POLN: variants seen among roughly 807,000 people sequenced by gnomAD.
POLN encodes the protein DNA polymerase N.
POLN carries 108 observed loss-of-function variants against 113.5 expected under a neutral mutation model. That is an observed-to-expected ratio of 0.95 (90% CI 0.81 to 1.12). The LOEUF (loss-of-function observed/expected upper bound fraction) is 1.12, where lower values mean the gene tolerates loss of function less well. Ranked by LOEUF, POLN falls within the 50% of genes most tolerant of loss-of-function variation. The probability of loss-of-function intolerance (pLI) is 0.00; values close to 1 mark genes in which losing one functional copy is unlikely to be tolerated. For missense variants in POLN, 1,097 were observed against 1,077.1 expected (o/e 1.02, Z -0.26); for synonymous variants, 386 against 391.5 (o/e 0.99, Z 0.17).
chr4:2,159,303 G>A (rs1732519394), intron 13 of POLN, 92 bp from the exon 14 acceptor site: 1 of 1,062,434 alleles, frequency 9.4e-7, no homozygotes, highest in African/African-American at 1.6e-5. Context: ...CATAATAAAT[G>A]GTCTAATTGA....
chr4:2,174,768 A>C lies in POLN; in HGVS notation c.1249-17T>G. On this transcript the variant is annotated splice_polypyrimidine_tract_variant and intron_variant, in intron 9 of 25. Coordinates refer to ENST00000511885, the MANE Select transcript of POLN (RefSeq NM_181808.4). ...ACCATAATCCTGTTTAATAGGAAGAAATAACATCAACGTCAATTTAAATAT... is the reference window on the plus strand; with the variant it reads ...ACCATAATCCTGTTTAATAGGAAGACATAACATCAACGTCAATTTAAATAT... The C allele has an allele frequency of 6.5e-7, 1 of 1,547,982 alleles. No homozygotes were observed. The highest frequency in any genetic ancestry group is 8.9e-7 in the Non-Finnish European group (1 of 1,125,532).
rs182159867 is a variant in POLN, at chr4:2,102,999, G to A, written c.1983-7066C>T. On this transcript the variant is annotated intron_variant, in intron 19 of 25. Coordinates refer to ENST00000511885, the MANE Select transcript of POLN (RefSeq NM_181808.4). ...GTGCAGAAATCAATGTAAGGACACAGGAAACATGAAAAAGCAAGGTAGTAT... is the reference window on the plus strand; with the variant it reads ...GTGCAGAAATCAATGTAAGGACACAAGAAACATGAAAAAGCAAGGTAGTAT... Among the ~76,000 whole-genome samples, 969 of 152,184 alleles carry A rather than the reference G, an allele frequency of 6.4e-3. 16 individuals are homozygous for A. The highest frequency in any genetic ancestry group is 7.2e-3 in the Non-Finnish European group (490 of 68,004).
At chr4:2,125,084 C>T (rs192166280) in intron 19 of POLN, among the ~76,000 whole-genome samples, 11 of 152,022 alleles carry the variant, frequency 7.2e-5, no homozygotes, top group East Asian at 5.8e-4. Flanking sequence ...TAGAGGGGAA[C>T]GAGGAAATCA....
At chr4:2,235,647 G>A (rs28433903) in intron 2 of POLN, among the ~76,000 whole-genome samples, 25,286 of 152,032 alleles carry the variant, frequency 0.17, 3,604 homozygotes, top group African/African-American at 0.37. Flanking sequence ...GTCATTGAAG[G>A]ATACATACCT....
At chr4:2,096,055 G>C in intron 19 of POLN, 122 bp from the exon 20 acceptor site, 1 of 830,698 alleles carries the variant, frequency 1.2e-6, no homozygotes, top group South Asian at 1.4e-5. Context: ...TTTCATGGTG[G>C]CCGGCACACT....
chr4:2,210,447 G>A (rs191187486), intron 4 of POLN, among the ~76,000 whole-genome samples: 52 of 151,754 alleles, frequency 3.4e-4, no homozygotes, highest in African/African-American at 1.2e-3. Context: ...TGGGCATGGT[G>A]TCATGTGCCT....
Position 2,171,121 on chromosome 4 carries a change from T to C in POLN, c.1435A>G (p.Thr479Ala). 3 of 1,613,680 alleles carry C rather than the reference T, an allele frequency of 1.9e-6. No individual in the cohort carries two copies. The highest frequency in any genetic ancestry group is 2.5e-6 in the Non-Finnish European group (3 of 1,179,910). Residue 479 changes from threonine to alanine, a missense_variant, in exon 12 of 26, where the codon ACG becomes GCG. Thr to Ala is a moderately conservative substitution (Grantham distance 58, BLOSUM62 0). Transcript: ENST00000511885. ...ACCTCTCGAAGCTGGTTATTGCTCGTTATAAGAAACCGTTCTCCTGCAACA... is the reference window on the plus strand; with the variant it reads ...ACCTCTCGAAGCTGGTTATTGCTCGCTATAAGAAACCGTTCTCCTGCAACA... Reference protein sequence around the residue: ...HFVAGERFLITSNNQLREILF... With the variant: ...HFVAGERFLIASNNQLREILF...
At chr4:2,094,858 G>A (rs908765099) in intron 20 of POLN, among the ~76,000 whole-genome samples, 1 of 152,178 alleles carries the variant, frequency 6.6e-6, no homozygotes, top group South Asian at 2.1e-4. Flanking sequence ...TGCTTGCCCC[G>A]TTATTCTTCC....
At chr4:2,199,150 CAT>C (rs1247619713) in intron 5 of POLN, among the ~76,000 whole-genome samples, 5 of 152,058 alleles carry the variant, frequency 3.3e-5, no homozygotes, top group African/African-American at 7.2e-5. Context: ...TAGCAATAAA[CAT>C]GTGAAAATAA....
intron 7 of POLN, among the ~76,000 whole-genome samples, chr4:2,189,895 A>G (rs28755437): frequency 0.25 from 37,210 of 151,284 alleles, 7,053 homozygotes; most frequent in African/African-American, 0.51. Context: ...TGTGGTGGCG[A>G]GTGCCTATAG....
chr4:2,215,915 G>A (rs1734102386), intron 3 of POLN, among the ~76,000 whole-genome samples: 1 of 152,170 alleles, frequency 6.6e-6, no homozygotes, highest in Non-Finnish European at 1.5e-5. Flanking sequence ...CTCCTCTGCT[G>A]CTCTAGGTGG....
At position 2,127,650 on chromosome 4, in the gene POLN, C is replaced by T. The variant is rs917116976; in HGVS notation, c.1982+463G>A. ...CACTGCCAAGCTGCCCAACAAAACC[C>T]GAGCCCATCTGCCTCTGGAATTCTC... On this transcript the variant is annotated intron_variant, in intron 19 of 25. Transcript: ENST00000511885. This position sits in a 1 kb window ranked among gnomAD's most constrained non-coding sequence, Gnocchi z 4.7. Among the ~76,000 whole-genome samples the T allele has an allele frequency of 2.6e-5, 4 of 152,232 alleles. No individual in the cohort carries two copies. Among genetic ancestry groups the T allele is most frequent in the African/African-American group, 7.2e-5 (3 of 41,462 alleles).
intron 2 of POLN, chr4:2,240,719 T>A: frequency 1.2e-6 from 2 of 1,614,094 alleles, no homozygotes; most frequent in Non-Finnish European, 1.7e-6. Flanking sequence ...CTTCATCCAA[T>A]GCCGCCCCTT....
chr4:2,204,113 A>C (rs1304245985), intron 5 of POLN, among the ~76,000 whole-genome samples: 33 of 92,982 alleles, frequency 3.5e-4, no homozygotes, highest in Admixed American at 1.7e-3. Context: ...CTATCACAAA[A>C]AAAAAAAAAA....
chr4:2,191,085 C>G (rs949808318), intron 7 of POLN, among the ~76,000 whole-genome samples: 2 of 152,146 alleles, frequency 1.3e-5, no homozygotes, highest in Non-Finnish European at 2.9e-5. Flanking sequence ...CAGTACTATT[C>G]ACAATAGCCA....
intron 3 of POLN, among the ~76,000 whole-genome samples, chr4:2,218,261 G>A (rs1254165808): frequency 1.7e-4 from 24 of 142,370 alleles, no homozygotes; most frequent in Non-Finnish European, 1.2e-4. Flanking sequence ...GAGAAAGCCC[G>A]TCTCTACTAA....
At chr4:2,197,817 G>A (rs1394084337) in intron 6 of POLN, among the ~76,000 whole-genome samples, 1 of 152,174 alleles carries the variant, frequency 6.6e-6, no homozygotes, top group Non-Finnish European at 1.5e-5. Context: ...ACTTCCTCCG[G>A]AGCTGCCTTG....
intron 20 of POLN, among the ~76,000 whole-genome samples, chr4:2,088,303 A>G (rs907457765): frequency 1.3e-5 from 2 of 152,230 alleles, no homozygotes; most frequent in African/African-American, 2.4e-5. Context: ...GCTGTGCCAC[A>G]TAAGAATAAT....
At chr4:2,081,841 C>T (rs894957836) in intron 21 of POLN, 98 bp from the exon 22 acceptor site, 42 of 982,038 alleles carry the variant, frequency 4.3e-5, no homozygotes, top group Non-Finnish European at 6.1e-5. Flanking sequence ...GAGGGACAGC[C>T]GCACTGCAGT....
Sources: allele counts gnomAD v4.1 joint callset (sites outside exome capture counted in the v4.1 genomes callset), GRCh38; gene constraint gnomAD v4.1.1; non-coding constraint Gnocchi (gnomAD v3.1); transcripts MANE v1.5; gene names NCBI Gene and HGNC (gene_info 2026-07-23, HGNC 2026-07-21).